Variants in ETV6 observed in about 807,000 individuals in gnomAD.
The protein encoded by ETV6 is transcription factor ETV6.
ETV6 carries 16 observed loss-of-function variants against 51.1 expected under a neutral mutation model. That is an observed-to-expected ratio of 0.31 (90% CI 0.21 to 0.48). The LOEUF (loss-of-function observed/expected upper bound fraction) is 0.48, where lower values mean the gene tolerates loss of function less well. ETV6 is among the 20% of genes least tolerant of loss of function. ETV6 has a pLI of 0.99. For synonymous variants in ETV6, 240 were observed against 224.1 expected, an observed-to-expected ratio of 1.07 and a Z score of -0.64; for missense variants, 458 against 594.8, an observed-to-expected ratio of 0.77 and a Z score of 2.39.
At chr12:11,730,168 C>G (rs1014210067) in intron 1 of ETV6, among the ~76,000 whole-genome samples, 1 of 152,280 alleles carries the variant, frequency 6.6e-6, no homozygotes, top group Admixed American at 6.5e-5. Context: ...ACAACTCTTC[C>G]TCTACAATCC....
chr12:11,686,702 A>G (rs1436416430), intron 1 of ETV6, among the ~76,000 whole-genome samples: 1 of 151,782 alleles, frequency 6.6e-6, no homozygotes, highest in Non-Finnish European at 1.5e-5. Context: ...TGATTTTTGT[A>G]TTTTTAGTAG....
intron 1 of ETV6, among the ~76,000 whole-genome samples, chr12:11,729,432 G>T (rs1865553621): frequency 6.6e-6 from 1 of 152,152 alleles, no homozygotes; most frequent in Non-Finnish European, 1.5e-5. Context: ...GGGGGGACTG[G>T]GCTGCTGTGT....
At chr12:11,686,271 G>A (rs1864626630) in intron 1 of ETV6, among the ~76,000 whole-genome samples, 1 of 152,194 alleles carries the variant, frequency 6.6e-6, no homozygotes, top group African/African-American at 2.4e-5. Context: ...CTTCCCAGTG[G>A]GTGGGATAGG....
chr12:11,803,578 T>C (rs1347115930), intron 2 of ETV6, among the ~76,000 whole-genome samples: 1 of 152,236 alleles, frequency 6.6e-6, no homozygotes, highest in Non-Finnish European at 1.5e-5. Context: ...GCATGTAATG[T>C]ACTTATAAAG....
chr12:11,770,225 C>G (rs1945223304), intron 2 of ETV6, among the ~76,000 whole-genome samples: 1 of 152,078 alleles, frequency 6.6e-6, no homozygotes. Flanking sequence ...ACCATCAGGC[C>G]TTGCTTTGGA....
At position 11,891,214 on chromosome 12, in the gene ETV6, A is replaced by G. The variant is rs1000154537; in HGVS notation, c.*168A>G. ...ACCAAGAGGGACCCTGGAGCACCTTAGACAAACTACCCAGCACAGGCGGGG... is the reference window on the plus strand; with the variant it reads ...ACCAAGAGGGACCCTGGAGCACCTTGGACAAACTACCCAGCACAGGCGGGG... On this transcript the variant is annotated 3_prime_UTR_variant, in exon 8 of 8. Coordinates refer to ENST00000396373, the MANE Select transcript of ETV6 (RefSeq NM_001987.5). The G allele has an allele frequency of 8.7e-6, 5 of 577,574 alleles. No homozygotes were observed. In the South Asian group the frequency reaches 9.9e-5, roughly 11 times the overall value. 35.8% of individuals were successfully genotyped at this position (577,574 alleles called of 1,614,324 possible). A position where few individuals can be genotyped will look rare whatever the true frequency, so the allele number is the denominator to read the frequency against.
chr12:11,676,291 C>T (rs1864420241), intron 1 of ETV6, among the ~76,000 whole-genome samples: 1 of 152,194 alleles, frequency 6.6e-6, no homozygotes, highest in Admixed American at 6.5e-5. Context: ...CTCTTCCTCC[C>T]CCGATCCTGG....
At chr12:11,733,635 C>A (rs1865645614) in intron 1 of ETV6, among the ~76,000 whole-genome samples, 1 of 152,030 alleles carries the variant, frequency 6.6e-6, no homozygotes, top group Non-Finnish European at 1.5e-5. Flanking sequence ...CACACTAGGC[C>A]ATGCTTCCCC....
intron 1 of ETV6, among the ~76,000 whole-genome samples, chr12:11,671,480 A>T (rs182902785): frequency 8.5e-5 from 13 of 152,280 alleles, no homozygotes; most frequent in African/African-American, 3.1e-4. Context: ...GCTTAAGGAG[A>T]ATAATTTGAA....
In ETV6 at chr12:11,795,061, A is replaced by C. The variant is rs935818191; in HGVS notation, c.163+42482A>C. 3.9e-5 allele frequency among the ~76,000 whole-genome samples: 6 copies of C among 152,234 alleles called. No homozygotes were observed. The East Asian group carries it at 1.2e-3, about 29-fold the overall frequency. On this transcript the variant is annotated intron_variant, in intron 2 of 7. Transcript: ENST00000396373. Reference sequence around the variant, plus strand: ...CCTAATCCATTTTTAAAGTCTGTTCAGGGATAGTCTAAGAGTACAAGGCAT... The same window carrying C: ...CCTAATCCATTTTTAAAGTCTGTTCCGGGATAGTCTAAGAGTACAAGGCAT...
At chr12:11,658,157 G>A (rs894142382) in intron 1 of ETV6, among the ~76,000 whole-genome samples, 5 of 152,188 alleles carry the variant, frequency 3.3e-5, no homozygotes, top group African/African-American at 1.2e-4. Context: ...CATAACACAT[G>A]GATCTGGAAG....
intron 2 of ETV6, among the ~76,000 whole-genome samples, chr12:11,807,982 C>A (rs946267071): frequency 4.1e-4 from 62 of 152,050 alleles, no homozygotes; most frequent in African/African-American, 1.5e-3. Flanking sequence ...CCCTGCAGAC[C>A]CCTTCCCCAA....
chr12:11,826,242 C>A (rs1333655105), intron 2 of ETV6, among the ~76,000 whole-genome samples: 1 of 152,116 alleles, frequency 6.6e-6, no homozygotes, highest in African/African-American at 2.4e-5. Flanking sequence ...AGCATTTTTG[C>A]ACTTGGTGGA....
rs746750730 is a variant in ETV6, at chr12:11,853,739, G to A, written c.463+178G>A. 3.9e-5 allele frequency among the ~76,000 whole-genome samples: 6 copies of A among 152,220 alleles called. No individual in the cohort carries two copies. The East Asian group carries it at 9.6e-4, about 24-fold the overall frequency. On this transcript the variant is annotated intron_variant, in intron 4 of 7. Coordinates refer to ENST00000396373, the MANE Select transcript of ETV6 (RefSeq NM_001987.5). Reference sequence around the variant, plus strand: ...GTTCCCTGAAGCTCACGATCAAAGCGAAGCAGTGAGATGGATGTACACAGA... The same window carrying A: ...GTTCCCTGAAGCTCACGATCAAAGCAAAGCAGTGAGATGGATGTACACAGA...
intron 1 of ETV6, among the ~76,000 whole-genome samples, chr12:11,707,266 A>T (rs960463349): frequency 1.3e-5 from 2 of 152,224 alleles, no homozygotes; most frequent in African/African-American, 4.8e-5. Flanking sequence ...CTTAAAAATA[A>T]TAAAGAATCC....
intron 1 of ETV6, among the ~76,000 whole-genome samples, chr12:11,731,953 C>G (rs1865608125): frequency 6.6e-6 from 1 of 152,100 alleles, no homozygotes; most frequent in Non-Finnish European, 1.5e-5. Context: ...TACTGAAAAC[C>G]CCACATCCCC....
intron 2 of ETV6, among the ~76,000 whole-genome samples, chr12:11,816,526 G>A (rs969768162): frequency 1.3e-5 from 2 of 152,204 alleles, no homozygotes; most frequent in Non-Finnish European, 2.9e-5. Context: ...GATTACAGGT[G>A]TGAGCCACTG....
intron 1 of ETV6, among the ~76,000 whole-genome samples, chr12:11,733,923 A>T (rs1051774810): frequency 6.6e-6 from 1 of 152,230 alleles, no homozygotes; most frequent in Non-Finnish European, 1.5e-5. Flanking sequence ...AGCCACTAAC[A>T]TGTTAATCAA....
At chr12:11,751,773 A>G (rs1015519269) in intron 1 of ETV6, 8 of 463,248 alleles carry the variant, frequency 1.7e-5, no homozygotes, top group Non-Finnish European at 3.0e-5. Context: ...GAAAGGAAAT[A>G]TCGATTCTGA....
Sources: allele counts gnomAD v4.1 joint callset (sites outside exome capture counted in the v4.1 genomes callset), GRCh38; gene constraint gnomAD v4.1.1; transcripts MANE v1.5; gene names NCBI Gene and HGNC (gene_info 2026-07-23, HGNC 2026-07-21).